The following PARD3 variants were observed in gnomAD, a reference collection of about 807,000 sequenced individuals.
PARD3 encodes par-3 family cell polarity regulator.
A neutral mutation model predicts 155.4 loss-of-function variants in PARD3; 75 were observed. The ratio of observed to expected loss-of-function variants is 0.48; its 90% CI spans 0.40 to 0.58. PARD3 has a LOEUF of 0.58. PARD3 is among the 20% of genes least tolerant of loss of function. PARD3 has a pLI of 0.00. For synonymous variants in PARD3, 576 were observed against 610.5 expected (o/e 0.94, Z 0.83); for missense variants, 1,642 against 1,721.7 (o/e 0.95, Z 0.82).
chr10:34,584,888 T>A (rs921362845), intron 2 of PARD3, among the ~76,000 whole-genome samples: 1 of 152,176 alleles, frequency 6.6e-6, no homozygotes, highest in Non-Finnish European at 1.5e-5. Context: ...TCCCCTCTCT[T>A]GTTCCTAGGG....
intron 1 of PARD3, among the ~76,000 whole-genome samples, chr10:34,712,125 T>C (rs913993963): frequency 1.3e-5 from 2 of 152,220 alleles, no homozygotes; most frequent in Admixed American, 6.5e-5. Context: ...AAAACTCACC[T>C]TGGCCAACCC....
At chr10:34,188,749 T>TA (rs35955990) in intron 22 of PARD3, among the ~76,000 whole-genome samples, 34,727 of 145,928 alleles carry the variant, frequency 0.24, 4,084 homozygotes, top group Middle Eastern at 0.35. Flanking sequence ...TTAAAATCGC[T>TA]TTTTTTTTTT....
At chr10:34,134,593 C>T (rs1019683180) in intron 22 of PARD3, among the ~76,000 whole-genome samples, 11 of 152,216 alleles carry the variant, frequency 7.2e-5, no homozygotes, top group Non-Finnish European at 1.6e-4. Flanking sequence ...CACTCCTGCC[C>T]TTGTTTCCAA....
intron 22 of PARD3, among the ~76,000 whole-genome samples, chr10:34,145,210 TA>T (rs1564429748): frequency 1.5e-4 from 11 of 72,000 alleles, no homozygotes; most frequent in African/African-American, 4.2e-4. Flanking sequence ...TATATATATA[TA>T]TATATATATA....
chr10:34,275,041 G>A (rs1474832208), intron 21 of PARD3, among the ~76,000 whole-genome samples: 6 of 152,102 alleles, frequency 3.9e-5, no homozygotes, highest in Admixed American at 3.9e-4. Context: ...GTGCTCAGCA[G>A]CATGAAGTAC....
rs191811985 is a variant in PARD3, at chr10:34,271,258, C to T, written c.3177-1359G>A. 3.4e-3 allele frequency among the ~76,000 whole-genome samples: 517 copies of T among 152,090 alleles called. 4 individuals carry two copies. Among genetic ancestry groups the T allele is most frequent in the South Asian group, 0.022 (108 of 4,806 alleles). On this transcript the variant is annotated intron_variant, in intron 21 of 24. Transcript: ENST00000374788. ...AAGAAAAGGAAGAAAGAAAAGAAAG[C>T]TATATAGGCCAATATTCCTCATGAA... is the stretch of plus-strand genomic sequence containing the variant.
intron 22 of PARD3, among the ~76,000 whole-genome samples, chr10:34,162,216 G>T (rs758638768): frequency 6.6e-6 from 1 of 152,112 alleles, no homozygotes; most frequent in Non-Finnish European, 1.5e-5. Context: ...ATGCACACTG[G>T]GGGGAAGGGG....
intron 15 of PARD3, chr10:34,343,520 A>G (rs961183116): frequency 1.0e-6 from 1 of 985,180 alleles, no homozygotes; most frequent in Non-Finnish European, 1.2e-6. Flanking sequence ...TTTCTCACCC[A>G]TGATTTGAAA....
At position 34,395,694 on chromosome 10, in the gene PARD3, G is replaced by A. The variant is rs1157196814; in HGVS notation, c.890+3636C>T. Among the ~76,000 whole-genome samples the A allele has an allele frequency of 3.8e-5, 3 of 78,752 alleles. 1 individual carries two copies. Among genetic ancestry groups the A allele is most frequent in the African/African-American group, 2.5e-4 (2 of 8,134 alleles). The allele number at this position is 78,752 out of a possible 152,430, so 51.7% of individuals were successfully genotyped here. On this transcript the variant is annotated intron_variant, in intron 7 of 24. Transcript: ENST00000374788. ...CTACTAAAAATACAAAAAATTAGCCGGGCGCGGTGGCGGGCGCCTGTAGTC... is the reference window on the plus strand; with the variant it reads ...CTACTAAAAATACAAAAAATTAGCCAGGCGCGGTGGCGGGCGCCTGTAGTC...
At chr10:34,271,882 C>T (rs1660616) in intron 21 of PARD3, among the ~76,000 whole-genome samples, 21,272 of 152,184 alleles carry the variant, frequency 0.14, 3,937 homozygotes, top group African/African-American at 0.43. Context: ...CCATTGTATT[C>T]TCCATATGCT....
At chr10:34,328,690 GA>G (rs1273929769) in intron 19 of PARD3, among the ~76,000 whole-genome samples, 1 of 152,108 alleles carries the variant, frequency 6.6e-6, no homozygotes, top group Admixed American at 6.5e-5. Context: ...TACAAATGAA[GA>G]AATTAAAGCT....
chr10:34,184,397 A>G (rs1203123372), intron 22 of PARD3, among the ~76,000 whole-genome samples: 2 of 152,136 alleles, frequency 1.3e-5, no homozygotes, highest in African/African-American at 4.8e-5. Flanking sequence ...CCACTCTGTC[A>G]AGAATCACTT....
At chr10:34,654,049 C>T (rs2093094990) in intron 2 of PARD3, among the ~76,000 whole-genome samples, 1 of 152,052 alleles carries the variant, frequency 6.6e-6, no homozygotes, top group Non-Finnish European at 1.5e-5. Context: ...GAAAAACTCA[C>T]ACCTTGTCTT....
intron 3 of PARD3, among the ~76,000 whole-genome samples, chr10:34,495,778 C>G (rs147058940): frequency 1.3e-5 from 2 of 151,092 alleles, no homozygotes; most frequent in African/African-American, 4.9e-5. Flanking sequence ...ATAATGCAAC[C>G]GGCTGCAGTA....
intron 2 of PARD3, among the ~76,000 whole-genome samples, chr10:34,651,918 A>G (rs1341474727): frequency 1.3e-5 from 2 of 152,138 alleles, no homozygotes; most frequent in Non-Finnish European, 2.9e-5. Flanking sequence ...CAGTCACTTC[A>G]TTGCTTAATG....
At position 34,294,428 on chromosome 10, in the gene PARD3, GGGAAGCCCCA is replaced by G. The variant is rs1956814232; in HGVS notation, c.3066-10193_3066-10184del. 2.0e-5 allele frequency among the ~76,000 whole-genome samples: 3 copies of G among 152,178 alleles called. No homozygotes were observed. In the South Asian group the frequency reaches 6.2e-4, roughly 32 times the overall value. On this transcript the variant is annotated intron_variant, in intron 20 of 24. Transcript: ENST00000374788. ...CATTAAAGTTTTGGGATTGGTGGTG[GGGAAGCCCCA>G]GGCTCTTTGCATAGCTTCTGGAAAC... is the stretch of plus-strand genomic sequence containing the variant.
At chr10:34,699,609 A>G (rs2133517726) in intron 1 of PARD3, among the ~76,000 whole-genome samples, 1 of 152,348 alleles carries the variant, frequency 6.6e-6, no homozygotes, top group South Asian at 2.1e-4. Flanking sequence ...AAAGTTTAAA[A>G]TAATAACAGT....
chr10:34,313,979 C>G (rs1957848079), intron 20 of PARD3, among the ~76,000 whole-genome samples: 1 of 152,200 alleles, frequency 6.6e-6, no homozygotes, highest in South Asian at 2.1e-4. Context: ...CACACACAGA[C>G]ACACCCCTAC....
At chr10:34,640,358 T>C (rs2092630672) in intron 2 of PARD3, among the ~76,000 whole-genome samples, 1 of 152,192 alleles carries the variant, frequency 6.6e-6, no homozygotes, top group Non-Finnish European at 1.5e-5. Context: ...GGCTCACACC[T>C]GTAATACCAG....
Sources: allele counts gnomAD v4.1 joint callset (sites outside exome capture counted in the v4.1 genomes callset), GRCh38; gene constraint gnomAD v4.1.1; transcripts MANE v1.5; gene names NCBI Gene and HGNC (gene_info 2026-07-23, HGNC 2026-07-21).